The following NPIPB2 variants were observed in gnomAD, a reference collection of about 807,000 sequenced individuals.
NPIPB2 encodes the protein nuclear pore complex-interacting protein family member B2.
Under a neutral mutation model 30.8 loss-of-function variants are expected in NPIPB2, and 27 were observed. The ratio of observed to expected loss-of-function variants is 0.88; its 90% CI spans 0.65 to 1.21. The LOEUF (loss-of-function observed/expected upper bound fraction) is 1.21. Among genes scored for constraint, NPIPB2 ranks in the 50% most tolerant of loss-of-function variants. NPIPB2 has a pLI of 0.00. For missense variants in NPIPB2, 440 were observed against 446.2 expected, an observed-to-expected ratio of 0.99 and a Z score of 0.13; for synonymous variants, 147 against 162.0, an observed-to-expected ratio of 0.91 and a Z score of 0.70.
intron 2 of NPIPB2, among the ~76,000 whole-genome samples, chr16:11,936,910 T>C (rs1226258559): frequency 6.6e-6 from 1 of 151,674 alleles, no homozygotes; most frequent in Non-Finnish European, 1.5e-5. Context: ...ACCTCGTCCC[T>C]ATGACCTCAG....
At chr16:11,947,041 T>TATATATATATC (rs1555509044), upstream of NPIPB2, among the ~76,000 whole-genome samples, 1 of 5,816 alleles carries the variant, frequency 1.7e-4, no homozygotes, top group African/African-American at 2.2e-4. Context: ...CTATTTGAAT[T>TATATATATATC]ATATATATAT....
chr16:11,950,309 T>G (rs141732159), intron 1 of NPIPB2, among the ~76,000 whole-genome samples: 3 of 152,286 alleles, frequency 2.0e-5, no homozygotes, highest in African/African-American at 7.2e-5. Flanking sequence ...GTGCTGGGAT[T>G]ACAGGCATGA....
At chr16:11,971,415 G>C (rs1013851756) in intron 1 of NPIPB2, among the ~76,000 whole-genome samples, 3 of 144,822 alleles carry the variant, frequency 2.1e-5, no homozygotes, top group African/African-American at 7.5e-5. Context: ...CAGAAAGGCA[G>C]GCCAACTAGA....
At chr16:11,970,324 T>C (rs1226338560) in intron 1 of NPIPB2, among the ~76,000 whole-genome samples, 1 of 152,138 alleles carries the variant, frequency 6.6e-6, no homozygotes, top group African/African-American at 2.4e-5. Context: ...ACAATTCCCC[T>C]GTCTCAGCCT....
At chr16:11,960,994 G>A (rs1295619198) in intron 1 of NPIPB2, among the ~76,000 whole-genome samples, 1 of 151,662 alleles carries the variant, frequency 6.6e-6, no homozygotes, top group Non-Finnish European at 1.5e-5. Flanking sequence ...AGCCTCCCAA[G>A]TAGCTGGGAT....
intron 1 of NPIPB2, among the ~76,000 whole-genome samples, chr16:11,939,064 A>G (rs1017516164): frequency 6.6e-5 from 10 of 152,210 alleles, no homozygotes; most frequent in Admixed American, 5.9e-4. Flanking sequence ...TCTTTTCTTT[A>G]AAGTTATTTA....
intron 1 of NPIPB2, among the ~76,000 whole-genome samples, chr16:11,970,119 C>T (rs371921704): frequency 6.6e-6 from 1 of 152,052 alleles, no homozygotes. Context: ...GAGGCCGAGA[C>T]AGGCAGATCA....
intron 1 of NPIPB2, among the ~76,000 whole-genome samples, chr16:11,962,357 G>A (rs971762848): frequency 5.3e-5 from 8 of 151,806 alleles, no homozygotes; most frequent in African/African-American, 1.9e-4. Flanking sequence ...ATATTAGCTG[G>A]GCATGGTGGC....
At chr16:11,974,649 A>G (rs2055257152) in intron 1 of NPIPB2, among the ~76,000 whole-genome samples, 1 of 152,200 alleles carries the variant, frequency 6.6e-6, no homozygotes. Context: ...CATCTCCTTA[A>G]GTGTATGCTT....
chr16:11,935,457 G>T (rs1006620800), intron 2 of NPIPB2, among the ~76,000 whole-genome samples: 1 of 152,060 alleles, frequency 6.6e-6, no homozygotes, highest in African/African-American at 2.4e-5. Context: ...GGGATTACAG[G>T]TGTCTGCTAC....
intron 1 of NPIPB2, chr16:11,965,354 A>G: frequency 6.2e-7 from 1 of 1,614,230 alleles, no homozygotes; most frequent in Non-Finnish European, 8.5e-7. Context: ...AGTGCTCCCA[A>G]AATGAATATT....
chr16:11,933,855 C>A, exon 3 of NPIPB2: 1 of 1,576,080 alleles, frequency 6.3e-7, no homozygotes, highest in Non-Finnish European at 8.6e-7. Flanking sequence ...GACCTCCTGG[C>A]TCTCTGCTGT....
At chr16:11,963,653 G>A (rs918485604) in intron 1 of NPIPB2, among the ~76,000 whole-genome samples, 4 of 152,122 alleles carry the variant, frequency 2.6e-5, no homozygotes. Flanking sequence ...TGAATTAGGA[G>A]TTTGCCATTT....
upstream of NPIPB2, chr16:11,942,124 A>G: frequency 1.3e-6 from 2 of 1,531,742 alleles, no homozygotes; most frequent in African/African-American, 2.7e-5. Flanking sequence ...CCTGTATCTC[A>G]GGAACAAATG....
At chr16:11,953,790 C>T (rs772517745) in intron 1 of NPIPB2, among the ~76,000 whole-genome samples, 9 of 144,268 alleles carry the variant, frequency 6.2e-5, no homozygotes, top group Non-Finnish European at 1.3e-4. Context: ...ATTCTCCTGC[C>T]TCAACCTCCT....
chr16:11,965,586 C>A, intron 1 of NPIPB2: 1 of 945,998 alleles, frequency 1.1e-6, no homozygotes, highest in Non-Finnish European at 1.6e-6. Flanking sequence ...GGAAGCAAGG[C>A]AGTGATTTTA....
At chr16:11,942,056 C>T (rs780711740), upstream of NPIPB2, 42 of 1,360,386 alleles carry the variant, frequency 3.1e-5, no homozygotes, top group Non-Finnish European at 3.8e-5. Flanking sequence ...CAGCAGGATG[C>T]GGAAGGTCCC....
intron 1 of NPIPB2, among the ~76,000 whole-genome samples, chr16:11,973,671 G>A (rs1596510501): frequency 1.3e-5 from 2 of 151,594 alleles, no homozygotes; most frequent in African/African-American, 4.9e-5. Flanking sequence ...GGGTTCAAGC[G>A]ATTCTCCTGC....
chr16:11,932,748 C>T (rs1160669800), intron 4 of NPIPB2, among the ~76,000 whole-genome samples: 1 of 97,944 alleles, frequency 1.0e-5, no homozygotes, highest in Non-Finnish European at 1.9e-5. Context: ...TGCACTCTAG[C>T]CTGGGTGACA....
Sources: gnomAD v4.1 joint callset for allele counts (sites outside exome capture counted in the v4.1 genomes callset) on GRCh38, gnomAD v4.1.1 for gene constraint, MANE v1.5 for transcripts, NCBI Gene and HGNC (gene_info 2026-07-23, HGNC 2026-07-21) for gene names.